The following RBFOX1 variants were observed in gnomAD, a reference collection of about 807,000 sequenced individuals.
The protein encoded by RBFOX1 is RNA binding protein fox-1 homolog 1.
A neutral mutation model predicts 57.7 loss-of-function variants in RBFOX1; 8 were observed. That is an observed-to-expected ratio of 0.14 (90% confidence interval 0.08 to 0.25). RBFOX1 has a LOEUF of 0.25. Ranked by LOEUF, RBFOX1 falls within the 10% of genes least tolerant of loss-of-function variation. The pLI is 1.00. For missense variants in RBFOX1, 611 were observed against 548.5 expected (o/e 1.11, Z -1.14); for synonymous variants, 326 against 222.4 (o/e 1.47, Z -4.15).
intron 2 of RBFOX1, among the ~76,000 whole-genome samples, chr16:6,643,712 A>T (rs1346679026): frequency 6.6e-6 from 1 of 152,164 alleles, no homozygotes. Context: ...TCGGAGTGGT[A>T]GGAAGCCAAT....
chr16:7,260,544 G>A (rs1485765690), intron 4 of RBFOX1, among the ~76,000 whole-genome samples: 8 of 152,042 alleles, frequency 5.3e-5, no homozygotes, highest in East Asian at 1.9e-4. Context: ...CTCCAAGGCT[G>A]CATCTTCAGG....
At chr16:6,049,389 A>AGAATCACCTTCTTT (rs1596690596) in intron 1 of RBFOX1, among the ~76,000 whole-genome samples, 1 of 152,204 alleles carries the variant, frequency 6.6e-6, no homozygotes, top group East Asian at 1.9e-4. Context: ...AATAGCCTGA[A>AGAATCACCTTCTTT]GAATCACCTT....
intron 3 of RBFOX1, among the ~76,000 whole-genome samples, chr16:6,989,969 C>G (rs986289764): frequency 1.3e-5 from 2 of 152,216 alleles, no homozygotes; most frequent in African/African-American, 4.8e-5. Flanking sequence ...CCACCGCACT[C>G]CAGCCTGGGT....
chr16:7,314,088 C>T (rs910710258), intron 4 of RBFOX1, among the ~76,000 whole-genome samples: 5 of 151,998 alleles, frequency 3.3e-5, no homozygotes, highest in African/African-American at 9.7e-5. Flanking sequence ...TGCAACAAAC[C>T]ATGAGGCTTT....
chr16:6,194,839 T>A (rs944774481), intron 1 of RBFOX1, among the ~76,000 whole-genome samples: 2 of 152,246 alleles, frequency 1.3e-5, no homozygotes, highest in African/African-American at 4.8e-5. Flanking sequence ...TTTATCTCTA[T>A]CCTTAGTGAT....
At chr16:6,500,731 T>A (rs930501623) in intron 2 of RBFOX1, among the ~76,000 whole-genome samples, 5 of 152,068 alleles carry the variant, frequency 3.3e-5, no homozygotes, top group African/African-American at 1.2e-4. Flanking sequence ...CTTGACAACA[T>A]CTTGACTGCA....
intron 3 of RBFOX1, among the ~76,000 whole-genome samples, chr16:5,724,655 A>G (rs1394148263): frequency 1.3e-5 from 2 of 152,084 alleles, no homozygotes; most frequent in Non-Finnish European, 2.9e-5. Flanking sequence ...CTTGTTTCTC[A>G]AATAGAGATG....
At chr16:6,701,271 G>T (rs932843768) in intron 3 of RBFOX1, among the ~76,000 whole-genome samples, 3 of 152,152 alleles carry the variant, frequency 2.0e-5, no homozygotes, top group African/African-American at 4.8e-5. Context: ...TGCAGCTGAC[G>T]CAGGCCCTGA....
At chr16:6,541,946 CT>C (rs879873002) in intron 2 of RBFOX1, among the ~76,000 whole-genome samples, 229 of 146,044 alleles carry the variant, frequency 1.6e-3, no homozygotes, top group Admixed American at 2.4e-3. Flanking sequence ...ACATCTCCCC[CT>C]TTTTTTTTTT....
chr16:5,636,406 C>T (rs1031265964), intron 3 of RBFOX1, among the ~76,000 whole-genome samples: 1 of 152,120 alleles, frequency 6.6e-6, no homozygotes, highest in Admixed American at 6.6e-5. Context: ...AAGTTGTGGA[C>T]ACTTTACTGG....
intron 1 of RBFOX1, among the ~76,000 whole-genome samples, chr16:6,207,331 G>A (rs566852689): frequency 1.3e-5 from 2 of 152,214 alleles, no homozygotes; most frequent in Admixed American, 1.3e-4. Flanking sequence ...CCATAAATGA[G>A]GCTGATAAAA....
intron 4 of RBFOX1, among the ~76,000 whole-genome samples, chr16:7,510,514 CG>C (rs1567589387): frequency 2.4e-4 from 33 of 137,724 alleles, no homozygotes; most frequent in African/African-American, 9.5e-4. Context: ...TGTGTGTGGG[CG>C]CGCGCGCACG....
At chr16:6,839,374 G>C (rs1252617132) in intron 3 of RBFOX1, among the ~76,000 whole-genome samples, 3 of 152,208 alleles carry the variant, frequency 2.0e-5, no homozygotes, top group African/African-American at 7.2e-5. Context: ...CAGAAAGGCT[G>C]AGGTTAGGTT....
chr16:6,191,667 C>G (rs959712061), intron 1 of RBFOX1, among the ~76,000 whole-genome samples: 5 of 152,086 alleles, frequency 3.3e-5, no homozygotes, highest in African/African-American at 1.2e-4. Context: ...GTCCAAAAGG[C>G]AATTTCTGTT....
intron 1 of RBFOX1, among the ~76,000 whole-genome samples, chr16:5,379,298 CG>C (rs1006974511): frequency 6.6e-6 from 1 of 151,426 alleles, no homozygotes; most frequent in Non-Finnish European, 1.5e-5. Context: ...CAGTTTTTAT[CG>C]TTTTTTTTCT....
At chr16:6,081,596 T>C (rs1245059755) in intron 1 of RBFOX1, among the ~76,000 whole-genome samples, 2 of 152,170 alleles carry the variant, frequency 1.3e-5, no homozygotes, top group Admixed American at 6.5e-5. Context: ...TTCTTAACCA[T>C]TACAAAGAGC....
intron 2 of RBFOX1, among the ~76,000 whole-genome samples, chr16:6,459,962 C>A (rs534214461): frequency 4.3e-5 from 4 of 92,612 alleles, no homozygotes; most frequent in Admixed American, 1.8e-4. Context: ...CCAGCCCGGG[C>A]AACAAGAGTG....
intron 2 of RBFOX1, among the ~76,000 whole-genome samples, chr16:6,532,263 C>T (rs74005264): frequency 4.6e-5 from 7 of 152,240 alleles, no homozygotes; most frequent in African/African-American, 1.7e-4. Context: ...AATGGGGGAG[C>T]TGTAACTTCT....
intron 3 of RBFOX1, among the ~76,000 whole-genome samples, chr16:5,614,177 C>T (rs1381674727): frequency 6.6e-6 from 1 of 152,174 alleles, no homozygotes; most frequent in African/African-American, 2.4e-5. Context: ...GGATCCTGTC[C>T]TGTCACGTAC....
Sources: gnomAD v4.1 joint callset for allele counts (sites outside exome capture counted in the v4.1 genomes callset) on GRCh38, gnomAD v4.1.1 for gene constraint, MANE v1.5 for transcripts, NCBI Gene and HGNC (gene_info 2026-07-23, HGNC 2026-07-21) for gene names.